The following CCDC125 variants were observed in gnomAD, a reference collection of about 807,000 sequenced individuals.
The protein encoded by CCDC125 is coiled-coil domain containing 125.
In CCDC125, 43 loss-of-function variants were observed where a neutral mutation model predicts 57.4. The ratio of observed to expected loss-of-function variants is 0.75; its 90% CI spans 0.59 to 0.97. The LOEUF is 0.97. Among genes scored for constraint, CCDC125 ranks in the 50% least tolerant of loss-of-function variants. The probability of loss-of-function intolerance (pLI) is 0.00; values close to 1 mark genes in which losing one functional copy is unlikely to be tolerated. For missense variants in CCDC125, 563 were observed against 595.7 expected, an observed-to-expected ratio of 0.95 and a Z score of 0.57; for synonymous variants, 187 against 195.2, an observed-to-expected ratio of 0.96 and a Z score of 0.35.
chr5:69,300,805 A>G (rs762732694), intron 7 of CCDC125, among the ~76,000 whole-genome samples: 8 of 144,546 alleles, frequency 5.5e-5, no homozygotes, highest in Non-Finnish European at 1.1e-4. Context: ...AAGACACAGC[A>G]TAAAGTGCCG....
intron 11 of CCDC125, among the ~76,000 whole-genome samples, chr5:69,283,472 G>A (rs1369818911): frequency 6.6e-6 from 1 of 151,698 alleles, no homozygotes; most frequent in South Asian, 2.1e-4. Flanking sequence ...AGCCCACCTT[G>A]GCCTCCCAAA....
At chr5:69,326,274 TTAAAG>T (rs1458702246) in intron 1 of CCDC125, among the ~76,000 whole-genome samples, 6 of 152,198 alleles carry the variant, frequency 3.9e-5, no homozygotes, top group Admixed American at 1.3e-4. Flanking sequence ...CAAATAGAAC[TTAAAG>T]TAAAAGTCTA....
At chr5:69,299,932 T>C (rs1475142550) in intron 8 of CCDC125, 80 bp downstream of exon 8, 2 of 1,085,724 alleles carry the variant, frequency 1.8e-6, no homozygotes, top group Non-Finnish European at 2.8e-6. Flanking sequence ...TATCCTACAA[T>C]GTGTACACAA....
At chr5:69,295,006 C>T (rs1755091035) in intron 8 of CCDC125, 106 bp from the exon 9 acceptor site, 2 of 744,398 alleles carry the variant, frequency 2.7e-6, no homozygotes, top group Non-Finnish European at 2.1e-6. Context: ...ACTACTCAGG[C>T]ATCTGATCCA....
intron 3 of CCDC125, 138 bp downstream of exon 3, chr5:69,313,847 T>C: frequency 2.3e-6 from 2 of 855,840 alleles, no homozygotes; most frequent in Non-Finnish European, 4.1e-6. Flanking sequence ...GATGACACCA[T>C]CAGAGACAGC....
chr5:69,330,986 A>G (rs2150700057), intron 1 of CCDC125, among the ~76,000 whole-genome samples: 1 of 152,016 alleles, frequency 6.6e-6, no homozygotes, highest in African/African-American at 2.4e-5. Context: ...AATTGTAGTC[A>G]ATGTCACCCT....
chr5:69,313,228 G>T lies in CCDC125; in HGVS notation c.366+757C>A, dbSNP rs148431201. ...GGAAAATCCAGGGGGTGGGAGGTCT[G>T]TTTGGCAACTGGGGTGAAGGGATTG... On this transcript the variant is annotated intron_variant, in intron 3 of 11. Transcript: ENST00000396496. The T allele has an allele frequency of 6.5e-3, 3,139 of 483,176 alleles. 7 individuals are homozygous for T. Among genetic ancestry groups the T allele is most frequent in the Non-Finnish European group, 8.6e-3 (2,279 of 264,032 alleles). 29.9% of individuals were successfully genotyped at this position (483,176 alleles called of 1,614,324 possible).
intron 1 of CCDC125, among the ~76,000 whole-genome samples, chr5:69,329,499 CTTT>C (rs535306741): frequency 4.2e-5 from 4 of 95,310 alleles, no homozygotes; most frequent in African/African-American, 3.9e-5. Flanking sequence ...GGATTCAAGT[CTTT>C]TTTTTTTTTT....
At chr5:69,330,391 C>T (rs1161364011) in intron 1 of CCDC125, among the ~76,000 whole-genome samples, 4 of 151,696 alleles carry the variant, frequency 2.6e-5, no homozygotes, top group Non-Finnish European at 5.9e-5. Flanking sequence ...GTCAGGAGTT[C>T]GAGACCAGCC....
intron 2 of CCDC125, among the ~76,000 whole-genome samples, chr5:69,317,962 T>C (rs899239016): frequency 2.3e-4 from 35 of 149,972 alleles, no homozygotes; most frequent in African/African-American, 8.6e-4. Flanking sequence ...TAGTGAGACC[T>C]TGTCTCTAGA....
chr5:69,314,474 A>C (rs954768802), intron 2 of CCDC125, among the ~76,000 whole-genome samples: 3 of 151,722 alleles, frequency 2.0e-5, no homozygotes, highest in African/African-American at 7.3e-5. Flanking sequence ...AAAAAAAAAA[A>C]ATTATAACAG....
At chr5:69,297,603 C>T (rs895221355) in intron 8 of CCDC125, among the ~76,000 whole-genome samples, 5 of 151,690 alleles carry the variant, frequency 3.3e-5, no homozygotes, top group African/African-American at 1.2e-4. Flanking sequence ...GGTGATCCAC[C>T]TGCCTCAGCC....
intron 4 of CCDC125, chr5:69,310,676 T>A (rs2150511100): frequency 6.5e-6 from 1 of 154,896 alleles, no homozygotes; most frequent in Middle Eastern, 3.4e-3. Flanking sequence ...AAAGTACTGA[T>A]ACACGCTACG....
At chr5:69,311,582 G>A (rs1285090751) in intron 3 of CCDC125, among the ~76,000 whole-genome samples, 1 of 152,056 alleles carries the variant, frequency 6.6e-6, no homozygotes, top group Non-Finnish European at 1.5e-5. Context: ...AACCCGGGAG[G>A]CGGAGGTTGC....
chr5:69,299,149 G>A (rs1230809920), intron 8 of CCDC125, among the ~76,000 whole-genome samples: 2 of 141,698 alleles, frequency 1.4e-5, no homozygotes, highest in East Asian at 2.0e-4. Context: ...TCGCTCTTTC[G>A]CCCAGGCCAG....
At chr5:69,298,299 C>A (rs1381750063) in intron 8 of CCDC125, among the ~76,000 whole-genome samples, 1 of 152,212 alleles carries the variant, frequency 6.6e-6, no homozygotes, top group Non-Finnish European at 1.5e-5. Context: ...CAGGCGTGAG[C>A]CACCGCGCCC....
chr5:69,276,634 A>C (rs1422617581), downstream of CCDC125: 1 of 1,614,176 alleles, frequency 6.2e-7, no homozygotes, highest in East Asian at 2.2e-5. Context: ...ACCTTAAAGG[A>C]GCAATCAAAT....
At chr5:69,315,006 A>G (rs770576108) in intron 2 of CCDC125, among the ~76,000 whole-genome samples, 8 of 152,204 alleles carry the variant, frequency 5.3e-5, no homozygotes, top group South Asian at 2.1e-4. Flanking sequence ...CTGTAATCCC[A>G]GCACTTTCGG....
chr5:69,320,299 C>T lies in CCDC125; in HGVS notation c.242G>A (p.Ser81Asn), dbSNP rs745542923. ...EASFQYSKHK[S>N]QQDTFPQVSR... The stretch of plus-strand genomic sequence containing the variant: ...CACTTGAGGGAATGTATCTTGCTGG[C>T]TCTTATGCTTGGAATACTGAAAACT... The change falls in exon 2 of 12, where the codon AGC (serine) becomes AAC (asparagine). Residue 81 changes from serine to asparagine, a missense_variant. Ser to Asn is a conservative substitution (Grantham distance 46). Transcript: ENST00000396496. 1 of 1,614,076 alleles carries T rather than the reference C, an allele frequency of 6.2e-7. No individual in the cohort carries two copies. The highest frequency in any genetic ancestry group is 1.3e-5 in the African/African-American group (1 of 75,028).
Sources: gnomAD v4.1 joint callset for allele counts (sites outside exome capture counted in the v4.1 genomes callset) on GRCh38, gnomAD v4.1.1 for gene constraint, MANE v1.5 for transcripts, NCBI Gene and HGNC (gene_info 2026-07-23, HGNC 2026-07-21) for gene names.